PTPN13: variants seen among roughly 807,000 people sequenced by gnomAD.
The protein encoded by PTPN13 is protein tyrosine phosphatase non-receptor type 13.
A neutral mutation model predicts 284.0 loss-of-function variants in PTPN13; 191 were observed. The observed-to-expected ratio is 0.67, with a 90% CI of 0.60 to 0.76. The LOEUF is 0.76. PTPN13 is among the 30% of genes least tolerant of loss of function. PTPN13 has a pLI of 0.00. For missense variants in PTPN13, 2,797 were observed against 2,939.9 expected, an observed-to-expected ratio of 0.95 and a Z score of 1.12; for synonymous variants, 986 against 1,022.3, an observed-to-expected ratio of 0.96 and a Z score of 0.68.
intron 42 of PTPN13, 102 bp from the exon 43 acceptor site, chr4:86,803,607 G>T (rs889069769): frequency 4.0e-5 from 49 of 1,217,846 alleles, no homozygotes; most frequent in Non-Finnish European, 5.6e-5. Flanking sequence ...TAAATAAATA[G>T]ACTTTCCCTT....
intron 10 of PTPN13, among the ~76,000 whole-genome samples, chr4:86,730,528 C>A (rs993997594): frequency 6.7e-6 from 1 of 149,884 alleles, no homozygotes; most frequent in Non-Finnish European, 1.5e-5. Flanking sequence ...CATCCCTCCC[C>A]CGACCAGGCT....
intron 5 of PTPN13, chr4:86,689,620 G>C: frequency 1.4e-6 from 1 of 701,584 alleles, no homozygotes; most frequent in Non-Finnish European, 2.6e-6. Context: ...GATCTTCTAG[G>C]TATTTCCCAA....
intron 2 of PTPN13, among the ~76,000 whole-genome samples, chr4:86,662,479 G>A (rs918708052): frequency 6.6e-6 from 1 of 151,938 alleles, no homozygotes; most frequent in Non-Finnish European, 1.5e-5. Flanking sequence ...CTATAAGCAC[G>A]CACCACCACG....
intron 20 of PTPN13, among the ~76,000 whole-genome samples, chr4:86,753,907 A>G (rs1032437880): frequency 2.6e-5 from 4 of 152,096 alleles, no homozygotes; most frequent in Non-Finnish European, 4.4e-5. Flanking sequence ...TAATACAGCT[A>G]AACTTGATGA....
At chr4:86,786,302 C>T (rs1741908983) in intron 40 of PTPN13, among the ~76,000 whole-genome samples, 2 of 152,186 alleles carry the variant, frequency 1.3e-5, no homozygotes, top group African/African-American at 4.8e-5. Context: ...TCAGCATCAC[C>T]CTATGTATAC....
chr4:86,748,540 G>C (rs930676527), intron 17 of PTPN13, among the ~76,000 whole-genome samples: 1 of 152,148 alleles, frequency 6.6e-6, no homozygotes, highest in Non-Finnish European at 1.5e-5. Context: ...GGGTGTAAAG[G>C]CATTTCCTTC....
At chr4:86,749,651 TA>T (rs1486394884) in intron 17 of PTPN13, among the ~76,000 whole-genome samples, 3 of 152,370 alleles carry the variant, frequency 2.0e-5, no homozygotes, top group African/African-American at 7.2e-5. Context: ...AAAGTATCTG[TA>T]AATTTAGCCT....
intron 2 of PTPN13, among the ~76,000 whole-genome samples, chr4:86,653,021 G>A (rs1204433716): frequency 6.6e-6 from 1 of 151,410 alleles, no homozygotes; most frequent in African/African-American, 2.4e-5. Flanking sequence ...GATCAGTTCT[G>A]CTGTTGAGAT....
intron 1 of PTPN13, chr4:86,595,848 G>T: frequency 5.5e-6 from 4 of 723,766 alleles, no homozygotes; most frequent in Non-Finnish European, 6.8e-6. Flanking sequence ...TAAAGGATGG[G>T]GGGGGGAGTA....
intron 20 of PTPN13, 78 bp from the exon 21 acceptor site, chr4:86,758,182 T>A (rs1738215164): frequency 6.1e-6 from 6 of 985,318 alleles, no homozygotes; most frequent in Non-Finnish European, 9.0e-6. Context: ...TTTGTTAACA[T>A]TTAAATTGTT....
At chr4:86,661,883 T>C (rs904295444) in intron 2 of PTPN13, among the ~76,000 whole-genome samples, 98 of 152,242 alleles carry the variant, frequency 6.4e-4, no homozygotes, top group Admixed American at 2.5e-3. Context: ...GTTTATTCTT[T>C]AAATTTTGTG....
chr4:86,701,883 TC>T, intron 7 of PTPN13, 82 bp downstream of exon 7: 1 of 1,332,218 alleles, frequency 7.5e-7, no homozygotes, highest in Non-Finnish European at 1.0e-6. Flanking sequence ...ATTAAATTAT[TC>T]CACAAGTCTT....
At chr4:86,671,976 C>T (rs1235570548) in intron 2 of PTPN13, among the ~76,000 whole-genome samples, 1 of 152,174 alleles carries the variant, frequency 6.6e-6, no homozygotes, top group Non-Finnish European at 1.5e-5. Flanking sequence ...ACACCTTTCA[C>T]CAATTTCTTA....
At position 86,807,723 on chromosome 4, in the gene PTPN13, A is replaced by G; in HGVS notation, c.6909A>G (p.Thr2303=). The change falls in exon 45 of 48, where the codon ACA becomes ACG. Residue 2303 remains threonine (T), a synonymous_variant. Transcript: ENST00000411767. ...FWQMIWEQKS[T]VIAMMTQEVE... ...AGATGATTTGGGAGCAAAAATCCACAGTGATAGCCATGATGACTCAAGAAG... is the reference window on the plus strand; with the variant it reads ...AGATGATTTGGGAGCAAAAATCCACGGTGATAGCCATGATGACTCAAGAAG... 2 of 1,614,042 alleles carry G rather than the reference A, an allele frequency of 1.2e-6. No individual in the cohort carries two copies. The highest frequency in any genetic ancestry group is 1.7e-6 in the Non-Finnish European group (2 of 1,179,886).
At chr4:86,741,840 A>G in intron 16 of PTPN13, 24 bp downstream of exon 16, 1 of 1,545,296 alleles carries the variant, frequency 6.5e-7, no homozygotes, top group Non-Finnish European at 8.8e-7. Flanking sequence ...ACCTCTTTTC[A>G]TTATATTTTC....
At chr4:86,693,338 G>C (rs1236341213) in intron 5 of PTPN13, among the ~76,000 whole-genome samples, 1 of 152,106 alleles carries the variant, frequency 6.6e-6, no homozygotes, top group Non-Finnish European at 1.5e-5. Context: ...GTATTTTCTA[G>C]TTAGTAGGTT....
chr4:86,615,186 TG>T (rs1199452248), intron 1 of PTPN13, among the ~76,000 whole-genome samples: 1 of 152,156 alleles, frequency 6.6e-6, no homozygotes, highest in Admixed American at 6.5e-5. Context: ...CATATGCTAT[TG>T]CATTGATTTT....
chr4:86,766,091 G>A (rs1282771017), intron 26 of PTPN13, among the ~76,000 whole-genome samples: 1 of 152,174 alleles, frequency 6.6e-6, no homozygotes, highest in East Asian at 1.9e-4. Context: ...GCCTCCCAAA[G>A]TGTTGGGATT....
At chr4:86,711,664 C>T (rs1732437657) in intron 7 of PTPN13, among the ~76,000 whole-genome samples, 1 of 152,062 alleles carries the variant, frequency 6.6e-6, no homozygotes, top group African/African-American at 2.4e-5. Context: ...TCTAAATGGA[C>T]CCTAGTACAC....
Sources: gnomAD v4.1 joint callset for allele counts (sites outside exome capture counted in the v4.1 genomes callset) on GRCh38, gnomAD v4.1.1 for gene constraint, MANE v1.5 for transcripts, NCBI Gene and HGNC (gene_info 2026-07-23, HGNC 2026-07-21) for gene names.